The following TSPAN5 variants were observed in gnomAD, a reference collection of about 807,000 sequenced individuals.
The protein encoded by TSPAN5 is tetraspanin-5.
Under a neutral mutation model 37.1 loss-of-function variants are expected in TSPAN5, and 10 were observed. The observed-to-expected ratio is 0.27, with a 90% CI of 0.17 to 0.46. TSPAN5 has a LOEUF of 0.46. TSPAN5 is among the 20% of genes least tolerant of loss of function. TSPAN5 has a pLI of 1.00. For synonymous variants in TSPAN5, 110 were observed against 118.9 expected, an observed-to-expected ratio of 0.93 and a Z score of 0.48; for missense variants, 195 against 326.6, an observed-to-expected ratio of 0.60 and a Z score of 3.11.
At chr4:98,487,800 G>A (rs1753005887) in intron 2 of TSPAN5, among the ~76,000 whole-genome samples, 2 of 151,944 alleles carry the variant, frequency 1.3e-5, no homozygotes, top group African/African-American at 2.4e-5. Context: ...AACGGACCTC[G>A]AGTAATTTCA....
intron 1 of TSPAN5, among the ~76,000 whole-genome samples, chr4:98,603,175 T>C (rs1056668791): frequency 1.3e-5 from 2 of 152,230 alleles, no homozygotes; most frequent in African/African-American, 4.8e-5. Flanking sequence ...GGAGATGTCA[T>C]TTGTAGACTG....
intron 1 of TSPAN5, among the ~76,000 whole-genome samples, chr4:98,548,028 GAA>G (rs983265425): frequency 0.016 from 2,173 of 135,134 alleles, 63 homozygotes; most frequent in African/African-American, 0.057. Flanking sequence ...AAAAAAAAAA[GAA>G]AAAGAAAAAG....
intron 3 of TSPAN5, chr4:98,484,886 G>A (rs541706906): frequency 2.1e-4 from 46 of 219,458 alleles, no homozygotes; most frequent in Non-Finnish European, 3.9e-4. Flanking sequence ...GCTGAGGCGG[G>A]TGGATCACCT....
intron 1 of TSPAN5, among the ~76,000 whole-genome samples, chr4:98,641,073 C>T (rs1303811269): frequency 6.6e-6 from 1 of 152,182 alleles, no homozygotes; most frequent in East Asian, 1.9e-4. Context: ...CACTGTCTTA[C>T]ATGTTGTAAT....
At chr4:98,533,173 G>A (rs968661745) in intron 1 of TSPAN5, among the ~76,000 whole-genome samples, 2 of 152,066 alleles carry the variant, frequency 1.3e-5, no homozygotes, top group Non-Finnish European at 2.9e-5. Flanking sequence ...GTCTCTGCCA[G>A]GTTTTGGTAA....
intron 1 of TSPAN5, among the ~76,000 whole-genome samples, chr4:98,616,311 C>T (rs1756335963): frequency 6.6e-6 from 1 of 152,118 alleles, no homozygotes; most frequent in Non-Finnish European, 1.5e-5. Flanking sequence ...CTCAGCCCAG[C>T]CTCTGAGAAA....
chr4:98,625,636 C>T (rs766908162), intron 1 of TSPAN5, among the ~76,000 whole-genome samples: 3 of 152,222 alleles, frequency 2.0e-5, no homozygotes, highest in Admixed American at 2.0e-4. Context: ...CTCTAAAATA[C>T]GACTCACTTG....
At position 98,600,262 on chromosome 4, in the gene TSPAN5, G is replaced by A. The variant is rs1040038610; in HGVS notation, c.81+57884C>T. On this transcript the variant is annotated intron_variant, in intron 1 of 7. Coordinates refer to ENST00000305798, the MANE Select transcript of TSPAN5 (RefSeq NM_005723.4). ...TTGATGGCTGCTGACTGATGACGGT[G>A]GTGGCGCTGAAGGTTGGGGTGGCTG... 3.9e-5 allele frequency among the ~76,000 whole-genome samples: 6 copies of A among 152,134 alleles called. No individual in the cohort carries two copies. The East Asian group carries it at 9.6e-4, about 24-fold the overall frequency.
chr4:98,523,527 C>T (rs1434949959), intron 1 of TSPAN5, among the ~76,000 whole-genome samples: 9 of 152,048 alleles, frequency 5.9e-5, no homozygotes, highest in African/African-American at 9.7e-5. Flanking sequence ...CTCTGCCTCC[C>T]GGGTTCAAGT....
At chr4:98,531,241 C>A (rs1754079373) in intron 1 of TSPAN5, among the ~76,000 whole-genome samples, 1 of 152,072 alleles carries the variant, frequency 6.6e-6, no homozygotes, top group Admixed American at 6.6e-5. Flanking sequence ...CACGACAGGC[C>A]CCAGTATGTG....
intron 2 of TSPAN5, among the ~76,000 whole-genome samples, chr4:98,487,292 A>G: frequency 6.6e-6 from 1 of 151,992 alleles, no homozygotes; most frequent in East Asian, 1.9e-4. Context: ...TAGACCCTGT[A>G]AGGAGAAGAC....
At chr4:98,531,221 C>T (rs1434373331) in intron 1 of TSPAN5, among the ~76,000 whole-genome samples, 1 of 152,236 alleles carries the variant, frequency 6.6e-6, no homozygotes, top group Middle Eastern at 3.4e-3. Context: ...CCCTCCCCTA[C>T]CCCCTACCCC....
intron 1 of TSPAN5, among the ~76,000 whole-genome samples, chr4:98,594,323 C>T (rs1342775684): frequency 2.0e-5 from 2 of 99,572 alleles, no homozygotes; most frequent in African/African-American, 5.7e-5. Flanking sequence ...TGCTTATCAG[C>T]TTAAGGAGAT....
intron 5 of TSPAN5, 114 bp downstream of exon 5, chr4:98,478,571 A>C: frequency 7.7e-7 from 1 of 1,302,832 alleles, no homozygotes; most frequent in East Asian, 2.3e-5. Flanking sequence ...AGGAGCTACA[A>C]ATACGAGTAA....
At chr4:98,497,097 C>T (rs111718643) in intron 2 of TSPAN5, among the ~76,000 whole-genome samples, 7,648 of 151,960 alleles carry the variant, frequency 0.05, 281 homozygotes, top group Admixed American at 0.11. Context: ...GAGACTGAGG[C>T]GGGCAGATCA....
intron 1 of TSPAN5, among the ~76,000 whole-genome samples, chr4:98,521,883 C>G (rs963545378): frequency 1.3e-5 from 2 of 151,680 alleles, no homozygotes; most frequent in Non-Finnish European, 2.9e-5. Context: ...TCTTTCTTTT[C>G]TAAGAAACAC....
intron 2 of TSPAN5, among the ~76,000 whole-genome samples, chr4:98,495,501 C>T (rs1271088481): frequency 5.6e-5 from 8 of 143,568 alleles, no homozygotes; most frequent in Non-Finnish European, 1.2e-4. Context: ...AACTGCACTA[C>T]AGCCCGGGAG....
intron 1 of TSPAN5, among the ~76,000 whole-genome samples, chr4:98,512,738 T>C (rs1340799291): frequency 6.6e-6 from 1 of 152,184 alleles, no homozygotes. Context: ...AATGGATACT[T>C]CAAGAGGCCA....
intron 1 of TSPAN5, among the ~76,000 whole-genome samples, chr4:98,577,103 G>A (rs1403403345): frequency 6.6e-6 from 1 of 151,974 alleles, no homozygotes; most frequent in East Asian, 1.9e-4. Flanking sequence ...TGGTATTCAT[G>A]GAAATAGAAA....
Sources: allele counts gnomAD v4.1 joint callset (sites outside exome capture counted in the v4.1 genomes callset), GRCh38; gene constraint gnomAD v4.1.1; transcripts MANE v1.5; gene names NCBI Gene and HGNC (gene_info 2026-07-23, HGNC 2026-07-21).